Variants in PHGDH observed in about 807,000 individuals in gnomAD.
The protein encoded by PHGDH is phosphoglycerate dehydrogenase.
A neutral mutation model predicts 52.6 loss-of-function variants in PHGDH; 50 were observed. The ratio of observed to expected loss-of-function variants is 0.95; its 90% CI spans 0.76 to 1.20. PHGDH has a LOEUF of 1.20. Among genes scored for constraint, PHGDH ranks in the 50% most tolerant of loss-of-function variants. The pLI, the probability that PHGDH is intolerant of heterozygous loss-of-function variation, is 0.00. For synonymous variants in PHGDH, 271 were observed against 280.5 expected (o/e 0.97, Z 0.34); for missense variants, 630 against 684.6 (o/e 0.92, Z 0.89).
chr1:119,712,188 C>A (rs758194930), intron 1 of PHGDH, 28 bp downstream of exon 1: 1 of 1,607,420 alleles, frequency 6.2e-7, no homozygotes, highest in South Asian at 1.1e-5. Context: ...AAATTGAGGT[C>A]TCTAGGGCAA....
At chr1:119,716,570 G>A (rs587658636) in intron 1 of PHGDH, among the ~76,000 whole-genome samples, 1 of 152,226 alleles carries the variant, frequency 6.6e-6, no homozygotes, top group African/African-American at 2.4e-5. Flanking sequence ...GGGAGTGATT[G>A]GTAGAGCCTC....
chr1:119,716,978 G>C, intron 1 of PHGDH, among the ~76,000 whole-genome samples: 1 of 152,072 alleles, frequency 6.6e-6, no homozygotes, highest in East Asian at 1.9e-4. Flanking sequence ...GATATCTAGC[G>C]TTGAAGAGTC....
intron 5 of PHGDH, among the ~76,000 whole-genome samples, chr1:119,728,787 G>C (rs751364982): frequency 2.0e-5 from 3 of 152,120 alleles, no homozygotes; most frequent in Non-Finnish European, 4.4e-5. Context: ...AGGGATTATG[G>C]GGTCAAACTG....
At chr1:119,726,981 T>A (rs985288846) in intron 4 of PHGDH, 23 bp from the exon 5 acceptor site, 14 of 1,609,436 alleles carry the variant, frequency 8.7e-6, no homozygotes, top group African/African-American at 1.3e-5. Flanking sequence ...TCAGCTTCTT[T>A]CCTTTTGCCT....
chr1:119,719,379 C>G (rs1179908858), intron 1 of PHGDH, among the ~76,000 whole-genome samples: 1 of 152,194 alleles, frequency 6.6e-6, no homozygotes, highest in African/African-American at 2.4e-5. Flanking sequence ...AGTTTTTCCT[C>G]TGTAAAATGG....
At chr1:119,742,187 C>T (rs1411675993) in intron 10 of PHGDH, 28 of 460,116 alleles carry the variant, frequency 6.1e-5, no homozygotes, top group East Asian at 8.8e-5. Flanking sequence ...TGACTCTGCC[C>T]GACATGGCTG....
At chr1:119,726,223 TGTTGG>T (rs1239716393) in intron 3 of PHGDH, among the ~76,000 whole-genome samples, 25 of 127,516 alleles carry the variant, frequency 2.0e-4, no homozygotes, top group African/African-American at 7.2e-4. Flanking sequence ...TGTGTGTGTG[TGTTGG>T]TGGTGGTGGG....
chr1:119,722,136 A>T (rs1219819888), intron 2 of PHGDH, among the ~76,000 whole-genome samples: 1 of 152,176 alleles, frequency 6.6e-6, no homozygotes, highest in African/African-American at 2.4e-5. Flanking sequence ...GAAATGTTAA[A>T]CGATAACCCA....
At chr1:119,735,082 T>C in intron 6 of PHGDH, 1 of 685,450 alleles carries the variant, frequency 1.5e-6, no homozygotes, top group Non-Finnish European at 2.5e-6. Flanking sequence ...ATTTCTAAGA[T>C]GTTTCTAAAC....
rs1652339250 is a variant in PHGDH at position 119,744,150 on chromosome 1, A to C, written c.*110A>C. On this transcript the variant is annotated 3_prime_UTR_variant, in exon 12 of 12. Coordinates refer to ENST00000641023, the MANE Select transcript of PHGDH (RefSeq NM_006623.4). Reference sequence around the variant, plus strand: ...CTTGGGCTGAACGCGGGCCTCTGACACTGCTTACACTGCACTCTGACCCTG... The same window carrying C: ...CTTGGGCTGAACGCGGGCCTCTGACCCTGCTTACACTGCACTCTGACCCTG... 13 of 912,454 alleles carry C rather than the reference A, an allele frequency of 1.4e-5. No individual in the cohort carries two copies. The South Asian group carries it at 1.7e-4, about 12-fold the overall frequency. 56.5% of individuals were successfully genotyped at this position (912,454 alleles called of 1,614,324 possible).
intron 2 of PHGDH, 135 bp downstream of exon 2, chr1:119,721,456 G>A: frequency 1.2e-6 from 1 of 811,644 alleles, no homozygotes. Flanking sequence ...CCTGGTCTAG[G>A]GCCTGCATGG....
intron 3 of PHGDH, chr1:119,724,661 T>TTTA: frequency 1.2e-5 from 3 of 247,130 alleles, no homozygotes; most frequent in Non-Finnish European, 2.4e-5. Context: ...CTTCAGGGAT[T>TTTA]TTTTTTTTTT....
chr1:119,728,909 C>T (rs1274509056), intron 5 of PHGDH, among the ~76,000 whole-genome samples: 1 of 152,180 alleles, frequency 6.6e-6, no homozygotes, highest in Non-Finnish European at 1.5e-5. Flanking sequence ...CTACATCCCT[C>T]CTACCTTCTT....
intron 8 of PHGDH, among the ~76,000 whole-genome samples, chr1:119,737,716 A>T (rs771917855): frequency 1.1e-4 from 16 of 152,242 alleles, no homozygotes; most frequent in South Asian, 8.3e-4. Context: ...CTACTCCCAA[A>T]TGAGCCCTCT....
chr1:119,743,756 T>G, intron 11 of PHGDH, 130 bp from the exon 12 acceptor site: 1 of 790,070 alleles, frequency 1.3e-6, no homozygotes, highest in Admixed American at 1.7e-5. Flanking sequence ...CTCAGCTCTT[T>G]GATTCTGAGA....
intron 2 of PHGDH, chr1:119,721,715 G>A (rs954763483): frequency 1.0e-5 from 2 of 199,474 alleles, no homozygotes; most frequent in Non-Finnish European, 2.1e-5. Context: ...TATTAATGCT[G>A]TTTGTGGCAG....
At chr1:119,734,923 G>A (rs779120809) in intron 6 of PHGDH, 157 bp downstream of exon 6, 9 of 818,310 alleles carry the variant, frequency 1.1e-5, no homozygotes, top group East Asian at 7.5e-5. Flanking sequence ...ACACCCCTAC[G>A]TTGGATAGGG....
intron 5 of PHGDH, among the ~76,000 whole-genome samples, chr1:119,730,605 T>A (rs1651650410): frequency 6.6e-6 from 1 of 152,364 alleles, no homozygotes; most frequent in East Asian, 1.9e-4. Context: ...CAACTAAATC[T>A]AGCATATTTT....
chr1:119,718,235 A>G (rs1214627908), intron 1 of PHGDH, among the ~76,000 whole-genome samples: 1 of 152,202 alleles, frequency 6.6e-6, no homozygotes, highest in Non-Finnish European at 1.5e-5. Context: ...TTGGAACTCA[A>G]CAGATTTGGA....
Sources: gnomAD v4.1 joint callset for allele counts (sites outside exome capture counted in the v4.1 genomes callset) on GRCh38, gnomAD v4.1.1 for gene constraint, MANE v1.5 for transcripts, NCBI Gene and HGNC (gene_info 2026-07-23, HGNC 2026-07-21) for gene names.